Variants in NME6 observed in about 807,000 individuals in gnomAD.
NME6 encodes the protein NME/NM23 nucleoside diphosphate kinase 6.
NME6 carries 16 observed loss-of-function variants against 22.2 expected under a neutral mutation model. That is an observed-to-expected ratio of 0.72 (90% CI 0.49 to 1.09). The LOEUF (loss-of-function observed/expected upper bound fraction) is 1.09, where lower values mean the gene tolerates loss of function less well. Among genes scored for constraint, NME6 ranks in the 50% least tolerant of loss-of-function variants. NME6 has a pLI of 0.00. For missense variants in NME6, 229 were observed against 239.0 expected (o/e 0.96, Z 0.28); for synonymous variants, 58 against 85.2 (o/e 0.68, Z 1.76).
chr3:48,289,563 T>C (rs1460450535), downstream of NME6, among the ~76,000 whole-genome samples: 1 of 152,116 alleles, frequency 6.6e-6, no homozygotes, highest in Non-Finnish European at 1.5e-5. Context: ...CAAGACTCGG[T>C]GTTTCCTTCC....
chr3:48,295,101 T>A lies in NME6; in HGVS notation c.368A>T (p.Asp123Val), dbSNP rs754287565. 3 of 1,613,956 alleles carry A rather than the reference T, an allele frequency of 1.9e-6. No individual in the cohort carries two copies. The African/African-American group carries it at 4.0e-5, about 22-fold the overall frequency. The change falls in exon 5 of 6, where the codon GAC becomes GTC. Residue 123 changes from aspartate (D) to valine (V), a missense_variant. Coordinates refer to ENST00000442597, the MANE Select transcript of NME6 (RefSeq NM_001308426.2). ...DSIRGSFGLT[D>V]TRNTTHGSDS... ...CGAACCATGGGTGGTGTTGCGGGTGTCAGTGAGGCCGAAACTCCCACGGAT... is the reference window on the plus strand; with the variant it reads ...CGAACCATGGGTGGTGTTGCGGGTGACAGTGAGGCCGAAACTCCCACGGAT...
chr3:48,298,123 CAAAT>C (rs1419409207), intron 2 of NME6: 1 of 384,768 alleles, frequency 2.6e-6, no homozygotes, highest in East Asian at 6.6e-5. Context: ...TGTGAAATAA[CAAAT>C]AAGTGTTGTT....
At chr3:48,288,303 T>C (rs1559988727), downstream of NME6, among the ~76,000 whole-genome samples, 1 of 149,534 alleles carries the variant, frequency 6.7e-6, no homozygotes, top group Non-Finnish European at 1.5e-5. Flanking sequence ...ATCACCTGAG[T>C]CGGGGAGGTG....
In NME6 at chr3:48,300,312, G is replaced by A. The variant is rs141838983; in HGVS notation, c.-8+1041C>T. ...TCATCTGGAACCCCACACTCCTTAA[G>A]TTTCTCTAGCTCCAACCTCATGGGC... On this transcript the variant is annotated intron_variant, in intron 1 of 5. Transcript: ENST00000442597. The A allele has an allele frequency of 9.7e-4, 441 of 456,758 alleles. 1 individual carries two copies. The highest frequency in any genetic ancestry group is 7.8e-3 in the African/African-American group (391 of 50,196). The allele number at this position is 456,758 out of a possible 1,614,324, so 28.3% of individuals were successfully genotyped here. A position where few individuals can be genotyped will look rare whatever the true frequency, so the allele number is the denominator to read the frequency against.
chr3:48,300,036 A>G (rs370911360), intron 1 of NME6, among the ~76,000 whole-genome samples: 2 of 152,180 alleles, frequency 1.3e-5, no homozygotes, highest in South Asian at 4.1e-4. Context: ...TGCTACCACC[A>G]TAACTCTAAG....
At chr3:48,295,439 A>T in intron 4 of NME6, 1 of 566,884 alleles carries the variant, frequency 1.8e-6, no homozygotes, top group Non-Finnish European at 3.1e-6. Flanking sequence ...GTGGCTATGC[A>T]GCATTCAAGG....
intron 1 of NME6, among the ~76,000 whole-genome samples, chr3:48,299,455 A>C (rs750105438): frequency 2.6e-5 from 4 of 152,010 alleles, no homozygotes; most frequent in African/African-American, 4.8e-5. Flanking sequence ...TCTCAATATT[A>C]TCTCTCATTT....
At chr3:48,301,296 C>A in intron 1 of NME6, 57 bp downstream of exon 1, 1 of 1,599,074 alleles carries the variant, frequency 6.3e-7, no homozygotes, top group African/African-American at 1.3e-5. Flanking sequence ...CTAAGCCCAC[C>A]CCAGATTCTG....
chr3:48,301,026 G>C (rs1373148156), intron 1 of NME6, among the ~76,000 whole-genome samples: 9 of 151,974 alleles, frequency 5.9e-5, no homozygotes, highest in Non-Finnish European at 1.3e-4. Context: ...CCAGCCTGGC[G>C]ACAGAACCAG....
At chr3:48,292,003 G>A (rs1172920419), downstream of NME6, 1 of 152,224 alleles carries the variant, frequency 6.6e-6, no homozygotes, top group Non-Finnish European at 1.5e-5. Flanking sequence ...CTGACCTTGT[G>A]ATCCGCCCGC....
chr3:48,296,352 A>C, intron 3 of NME6, 194 bp from the exon 4 acceptor site: 1 of 715,966 alleles, frequency 1.4e-6, no homozygotes. Context: ...TAAATCATTA[A>C]CCTCCTAAAC....
At chr3:48,295,260 A>G (rs1393716083) in intron 4 of NME6, 25 bp from the exon 5 acceptor site, 1 of 1,598,346 alleles carries the variant, frequency 6.3e-7, no homozygotes, top group Non-Finnish European at 8.6e-7. Flanking sequence ...AGCACATGTA[A>G]AGAACCTGGC....
chr3:48,289,087 G>A (rs1357322147), downstream of NME6, among the ~76,000 whole-genome samples: 1 of 150,666 alleles, frequency 6.6e-6, no homozygotes, highest in Non-Finnish European at 1.5e-5. Flanking sequence ...TTTTTGAGAC[G>A]GAGTTTCGCT....
chr3:48,299,496 T>C (rs1423584221), intron 1 of NME6, among the ~76,000 whole-genome samples: 13 of 151,988 alleles, frequency 8.6e-5, no homozygotes, highest in Admixed American at 8.5e-4. Flanking sequence ...ACCTGTAATA[T>C]CAGTACTTGA....
chr3:48,291,345 C>T (rs548591208), downstream of NME6: 3 of 475,462 alleles, frequency 6.3e-6, no homozygotes, highest in South Asian at 4.7e-5. Flanking sequence ...TTCATGGTCG[C>T]AGACTTCCTT....
In NME6 at chr3:48,296,829, C is replaced by T; in HGVS notation, c.91G>A (p.Ala31Thr). The T allele has an allele frequency of 1.2e-6, 2 of 1,609,236 alleles. No individual in the cohort carries two copies. Among genetic ancestry groups the T allele is most frequent in the Non-Finnish European group, 1.7e-6 (2 of 1,176,604 alleles). Residue 31 changes from alanine (A) to threonine (T), a missense_variant and splice_region_variant, in exon 3 of 6, where the codon GCT (alanine) becomes ACT (threonine). Transcript: ENST00000442597. ...DAVAHPLILE[A>T]VHQQILSNKF... Reference sequence around the variant, plus strand: ...TTGCTTAGAATCTGCTGATGAACAGCCTGAATAAAGACCATCCCCAAAATA... The same window carrying T: ...TTGCTTAGAATCTGCTGATGAACAGTCTGAATAAAGACCATCCCCAAAATA...
intron 1 of NME6, 81 bp downstream of exon 1, chr3:48,301,272 C>A: frequency 1.3e-6 from 2 of 1,596,590 alleles, no homozygotes; most frequent in East Asian, 2.3e-5. Context: ...GCCCTCACCC[C>A]TCGTACCCGG....
chr3:48,290,882 T>G (rs771816276), downstream of NME6: 18 of 234,382 alleles, frequency 7.7e-5, no homozygotes, highest in Non-Finnish European at 1.3e-4. Flanking sequence ...TCCAAGAATC[T>G]TAGGATTCTT....
intron 2 of NME6, among the ~76,000 whole-genome samples, chr3:48,297,130 C>T (rs2035202620): frequency 6.6e-6 from 1 of 152,202 alleles, no homozygotes; most frequent in East Asian, 1.9e-4. Context: ...GGGTTTCTCT[C>T]ACTCCCTCCA....
Sources: gnomAD v4.1 joint callset for allele counts (sites outside exome capture counted in the v4.1 genomes callset) on GRCh38, gnomAD v4.1.1 for gene constraint, MANE v1.5 for transcripts, NCBI Gene and HGNC (gene_info 2026-07-23, HGNC 2026-07-21) for gene names.